PGRMC2: variants seen among roughly 807,000 people sequenced by gnomAD.
PGRMC2 encodes membrane-associated progesterone receptor component 2.
Under a neutral mutation model 19.3 loss-of-function variants are expected in PGRMC2, and 9 were observed. The ratio of observed to expected loss-of-function variants is 0.47; its 90% CI spans 0.28 to 0.81. The LOEUF (loss-of-function observed/expected upper bound fraction) is 0.81. PGRMC2 is among the 40% of genes least tolerant of loss of function. The pLI is 0.11. For missense variants in PGRMC2, 289 were observed against 297.3 expected (o/e 0.97, Z 0.21); for synonymous variants, 157 against 124.6 (o/e 1.26, Z -1.73).
chr4:128,286,582 A>C (rs1401330755), intron 1 of PGRMC2: 4 of 398,364 alleles, frequency 1.0e-5, no homozygotes, highest in Non-Finnish European at 1.8e-5. Context: ...TGTACTTGAA[A>C]AGAGAAAAAA....
intron 1 of PGRMC2, among the ~76,000 whole-genome samples, chr4:128,287,117 T>C (rs573595351): frequency 2.4e-4 from 36 of 148,810 alleles, no homozygotes; most frequent in African/African-American, 8.6e-4. Context: ...GGAAGAAAGA[T>C]GAATGCTGAG....
chr4:128,287,518 G>A lies in PGRMC2; in HGVS notation c.273C>T (p.Pro91=), dbSNP rs745988748. The change falls in exon 1 of 3, where the codon CCC becomes CCT. Residue 91 remains proline (P), a synonymous_variant. Transcript: ENST00000296425. ...GAGAGAGEES[P]ATSLPRMKKR... Reference sequence around the variant, plus strand: ...TCTTCATGCGAGGCAGAGAGGTGGCGGGGCTCTCCTCGCCCGCCCCGGCCC... The same window carrying A: ...TCTTCATGCGAGGCAGAGAGGTGGCAGGGCTCTCCTCGCCCGCCCCGGCCC... The A allele has an allele frequency of 4.4e-6, 7 of 1,604,664 alleles. No individual in the cohort carries two copies. The African/African-American group carries it at 6.7e-5, about 15-fold the overall frequency.
intron 1 of PGRMC2, among the ~76,000 whole-genome samples, chr4:128,285,250 C>T (rs1760966849): frequency 6.6e-6 from 1 of 152,142 alleles, no homozygotes; most frequent in South Asian, 2.1e-4. Flanking sequence ...CCTCCGCCTC[C>T]CGAGTAGCTG....
At chr4:128,285,120 G>A (rs938790140) in intron 1 of PGRMC2, among the ~76,000 whole-genome samples, 6 of 151,094 alleles carry the variant, frequency 4.0e-5, no homozygotes, top group African/African-American at 1.2e-4. Context: ...TACCACCTAT[G>A]ACTCTTAATT....
In PGRMC2 at chr4:128,287,474, T is replaced by C. The variant is rs149247614; in HGVS notation, c.317A>G (p.Glu106Gly). The C allele has an allele frequency of 1.4e-3, 2,287 of 1,613,630 alleles. 8 individuals carry two copies. The highest frequency in any genetic ancestry group is 1.2e-3 in the Non-Finnish European group (1,411 of 1,179,764). The change falls in exon 1 of 3, where the codon GAG becomes GGG. Residue 106 changes from glutamate to glycine, a missense_variant. Physicochemically the swap from Glu to Gly is moderately conservative, Grantham distance 98. Transcript: ENST00000296425. ...PRMKKRDFSL[E>G]QLRQYDGSRN... The stretch of plus-strand genomic sequence containing the variant: ...GGAGCCGTCGTACTGGCGCAGCTGC[T>C]CCAAGCTGAAGTCCCGCTTCTTCAT...
chr4:128,272,268 A>ATGAC (rs1760741596), intron 2 of PGRMC2, 94 bp downstream of exon 2: 1 of 716,290 alleles, frequency 1.4e-6, no homozygotes, highest in African/African-American at 1.9e-5. Context: ...ATGAAAACGG[A>ATGAC]TGACATCCTT....
intron 1 of PGRMC2, chr4:128,286,532 C>T: frequency 2.5e-6 from 1 of 396,436 alleles, no homozygotes; most frequent in Non-Finnish European, 4.4e-6. Flanking sequence ...AGTTTTTTCT[C>T]CTTAGTTCTG....
chr4:128,275,630 A>G (rs908230077), intron 1 of PGRMC2, among the ~76,000 whole-genome samples: 9 of 152,322 alleles, frequency 5.9e-5, no homozygotes, highest in African/African-American at 2.2e-4. Flanking sequence ...TGTCTTCTCC[A>G]TATGTTTAGA....
At chr4:128,274,696 A>T (rs1398777550) in intron 1 of PGRMC2, among the ~76,000 whole-genome samples, 5 of 152,230 alleles carry the variant, frequency 3.3e-5, no homozygotes, top group Non-Finnish European at 7.4e-5. Flanking sequence ...ATGATAAAAA[A>T]AATCTATAAA....
intron 1 of PGRMC2, among the ~76,000 whole-genome samples, chr4:128,280,352 G>GAAAAAAAAAAAAAAAAAAAAAAA (rs747302016): frequency 1.7e-5 from 1 of 60,536 alleles, no homozygotes; most frequent in Non-Finnish European, 3.0e-5. Flanking sequence ...AAATTTTCTG[G>GAAAAAAAAAAAAAAAAAAAAAAA]GAAAAAAAAA....
chr4:128,282,504 AAAC>A (rs1366471820), intron 1 of PGRMC2, among the ~76,000 whole-genome samples: 1 of 152,268 alleles, frequency 6.6e-6, no homozygotes, highest in African/African-American at 2.4e-5. Flanking sequence ...CAAAGATTAA[AAAC>A]AACGGGATGA....
At chr4:128,282,934 T>A (rs1760930004) in intron 1 of PGRMC2, among the ~76,000 whole-genome samples, 1 of 152,244 alleles carries the variant, frequency 6.6e-6, no homozygotes, top group African/African-American at 2.4e-5. Flanking sequence ...CTTACGTGAC[T>A]TTTTTCTTTC....
chr4:128,277,157 A>AAAACAAAC lies in PGRMC2; in HGVS notation c.419-4648_419-4641dup, dbSNP rs56210271. On this transcript the variant is annotated intron_variant, in intron 1 of 2. Coordinates refer to ENST00000296425, the MANE Select transcript of PGRMC2 (RefSeq NM_006320.6). The stretch of plus-strand genomic sequence containing the variant: ...AGGCGACAGAGCGAGACTCCATCTC[A>AAAACAAAC]AAACAAACAAACAAACAAACAAACA... 4.0e-3 allele frequency among the ~76,000 whole-genome samples: 603 copies of AAAACAAAC among 151,562 alleles called. 2 individuals are homozygous for AAAACAAAC. The highest frequency in any genetic ancestry group is 9.4e-3 in the African/African-American group (385 of 41,104).
At chr4:128,285,219 G>A (rs780590679) in intron 1 of PGRMC2, among the ~76,000 whole-genome samples, 5 of 152,014 alleles carry the variant, frequency 3.3e-5, no homozygotes, top group Admixed American at 1.3e-4. Flanking sequence ...CCCACCTCCC[G>A]GGTTCCAGCA....
Position 128,272,362 on chromosome 4 carries a change from C to A in PGRMC2, c.574G>T (p.Glu192Ter). The A allele has an allele frequency of 6.8e-7, 1 of 1,477,382 alleles. No individual in the cohort carries two copies. The highest frequency in any genetic ancestry group is 1.5e-5 in the South Asian group (1 of 67,784). 91.5% of individuals were successfully genotyped at this position (1,477,382 alleles called of 1,614,324 possible). A position where few individuals can be genotyped will look rare whatever the true frequency, so the allele number is the denominator to read the frequency against. Residue 192 changes from glutamate (E) to a stop codon, truncating the protein, a stop_gained and splice_region_variant, in exon 2 of 3, where the codon GAA becomes TAA. Transcript: ENST00000296425. LOFTEE classifies it high-confidence loss of function. The stretch of plus-strand genomic sequence containing the variant: ...AAAGAATCCAACAAAATAAAAATAC[C>A]TTTAAACTGCATTTCCCATTCTCGA... The part of the protein sequence containing the change: ...SVREWEMQFK[E>*]KYDYVGRLLK...
At position 128,287,379 on chromosome 4, in the gene PGRMC2, C is replaced by G. The variant is rs370159937; in HGVS notation, c.412G>C (p.Gly138Arg). Residue 138 changes from glycine (G) to arginine (R), a missense_variant, in exon 1 of 3, where the codon GGC (glycine) becomes CGC (arginine). Physicochemically the swap from Gly to Arg is moderately radical, Grantham distance 125. Coordinates refer to ENST00000296425, the MANE Select transcript of PGRMC2 (RefSeq NM_006320.6). ...TCCCCTTCCAACTCCTCACCCGGGC[C>G]GTAGAACTTGCTGCCTTTGGTCACG... ...FDVTKGSKFY[G>R]PAGPYGIFAG... 1.0e-5 allele frequency: 16 copies of G among 1,599,740 alleles called. No homozygotes were observed. The highest frequency in any genetic ancestry group is 4.0e-5 in the African/African-American group (3 of 74,338).
intron 1 of PGRMC2, among the ~76,000 whole-genome samples, chr4:128,283,233 C>T (rs1408286582): frequency 6.6e-6 from 1 of 152,174 alleles, no homozygotes; most frequent in African/African-American, 2.4e-5. Context: ...TGTTGTAATA[C>T]AATGGGAAGG....
chr4:128,287,394 C>T lies in PGRMC2; in HGVS notation c.397G>A (p.Gly133Ser), dbSNP rs754957430. The T allele has an allele frequency of 5.0e-6, 8 of 1,606,188 alleles. No individual in the cohort carries two copies. Among genetic ancestry groups the T allele is most frequent in the Admixed American group, 3.3e-5 (2 of 59,780 alleles). Residue 133 changes from glycine (G) to serine (S), a missense_variant, in exon 1 of 3, where the codon GGC (glycine) becomes AGC (serine). Transcript: ENST00000296425. ...TCACCCGGGCCGTAGAACTTGCTGCCTTTGGTCACGTCGAAGACTTTCCCA... is the reference window on the plus strand; with the variant it reads ...TCACCCGGGCCGTAGAACTTGCTGCTTTTGGTCACGTCGAAGACTTTCCCA... ...VNGKVFDVTK[G>S]SKFYGPAGPY...
At chr4:128,275,877 C>T (rs1486979595) in intron 1 of PGRMC2, among the ~76,000 whole-genome samples, 1 of 152,156 alleles carries the variant, frequency 6.6e-6, no homozygotes, top group African/African-American at 2.4e-5. Flanking sequence ...AAGCATGGCC[C>T]ACCAGGCCTG....
Sources: allele counts gnomAD v4.1 joint callset (sites outside exome capture counted in the v4.1 genomes callset), GRCh38; gene constraint gnomAD v4.1.1; transcripts MANE v1.5; gene names NCBI Gene and HGNC (gene_info 2026-07-23, HGNC 2026-07-21).